Variants in CYP2S1 observed in about 807,000 individuals in gnomAD.
CYP2S1 encodes the protein cytochrome P450 family 2 subfamily S member 1.
Under a neutral mutation model 43.5 loss-of-function variants are expected in CYP2S1, and 32 were observed. That is an observed-to-expected ratio of 0.74 (90% CI 0.56 to 0.99). CYP2S1 has a LOEUF of 0.99. Ranked by LOEUF, CYP2S1 falls within the 50% of genes least tolerant of loss-of-function variation. The pLI, the probability that CYP2S1 is intolerant of heterozygous loss-of-function variation, is 0.00. For missense variants in CYP2S1, 575 were observed against 673.9 expected (o/e 0.85, Z 1.62); for synonymous variants, 283 against 302.9 (o/e 0.93, Z 0.68).
intron 2 of CYP2S1, among the ~76,000 whole-genome samples, chr19:41,195,657 A>T (rs1599711820): frequency 6.6e-6 from 1 of 152,104 alleles, no homozygotes; most frequent in South Asian, 2.1e-4. Flanking sequence ...AGGCTGTCGG[A>T]GCTGAGACTC....
chr19:41,193,826 G>C (rs2033373608), intron 1 of CYP2S1: 1 of 180,966 alleles, frequency 5.5e-6, no homozygotes, highest in African/African-American at 2.4e-5. Context: ...GGGGCATGCT[G>C]AAGAGGGCAC....
In CYP2S1 at chr19:41,198,844, C is replaced by G. The variant is rs760145637; in HGVS notation, c.790C>G (p.Pro264Ala). The change falls in exon 5 of 9, where the codon CCC becomes GCC. Residue 264 changes from proline (P) to alanine (A), a missense_variant. By Grantham distance (27) the Pro-to-Ala change is conservative. Around this residue, in one of 2 missense-constraint regions of CYP2S1, gnomAD observed 353 missense variants for 367.6 expected, o/e 0.96. Transcript: ENST00000310054. The surrounding 1 kb of genome is among the most constrained non-coding windows in gnomAD (Gnocchi z 4.9). Reference protein sequence around the residue: ...QHQGNLDASGPARDLVDAFLL... With the variant: ...QHQGNLDASGAARDLVDAFLL... ...CCAGGGGAACCTGGATGCTTCGGGCCCCGCACGTGACCTTGTCGATGCCTT... is the reference window on the plus strand; with the variant it reads ...CCAGGGGAACCTGGATGCTTCGGGCGCCGCACGTGACCTTGTCGATGCCTT... 1.2e-6 allele frequency: 2 copies of G among 1,614,024 alleles called. No homozygotes were observed. The highest frequency in any genetic ancestry group is 1.7e-6 in the Non-Finnish European group (2 of 1,180,016).
chr19:41,205,342 TTTTCTTTCTTTC>T (rs3082705), intron 7 of CYP2S1, among the ~76,000 whole-genome samples: 18 of 111,654 alleles, frequency 1.6e-4, no homozygotes, highest in Non-Finnish European at 2.9e-4. Flanking sequence ...TTCTTTCTTT[TTTTCTTTCTTTC>T]TTTCTTTCTT....
In CYP2S1 at chr19:41,198,588, G is replaced by T. The variant is rs376249062; in HGVS notation, c.620G>T (p.Gly207Val). 2 of 1,614,178 alleles carry T rather than the reference G, an allele frequency of 1.2e-6. No homozygotes were observed. The highest frequency in any genetic ancestry group is 1.3e-5 in the African/African-American group (1 of 75,048). Residue 207 changes from glycine (G) to valine (V), a missense_variant, in exon 4 of 9, where the codon GGT becomes GTT. Transcript: ENST00000310054. This position sits in a 1 kb window ranked among gnomAD's most constrained non-coding sequence, Gnocchi z 4.9. ...EFQAVVRAAG[G>V]TLLGVSSQGG... ...CAGGCCGTGGTCCGGGCAGCTGGTG[G>T]TACCCTGCTGGGAGTCAGCTCCCAG...
In CYP2S1 at chr19:41,198,980, CCTCT is replaced by C; in HGVS notation, c.834+97_834+100del. ...TGTCCCTGGGGACCTCAATTGGGTT[CCTCT>C]CTCTTTCTCTCTCTGCATGTCTCTG... On this transcript the variant is annotated intron_variant, in intron 5 of 8. Coordinates refer to ENST00000310054, the MANE Select transcript of CYP2S1 (RefSeq NM_030622.8). The surrounding 1 kb of genome is among the most constrained non-coding windows in gnomAD (Gnocchi z 4.9). 2 of 1,453,440 alleles carry C rather than the reference CCTCT, an allele frequency of 1.4e-6. No homozygotes were observed. Among genetic ancestry groups the C allele is most frequent in the Non-Finnish European group, 1.8e-6 (2 of 1,082,058 alleles). 90.0% of individuals were successfully genotyped at this position (1,453,440 alleles called of 1,614,324 possible). A position where few individuals can be genotyped will look rare whatever the true frequency, so the allele number is the denominator to read the frequency against.
chr19:41,205,849 A>T, intron 7 of CYP2S1, 109 bp from the exon 8 acceptor site: 1 of 1,379,050 alleles, frequency 7.3e-7, no homozygotes, highest in Non-Finnish European at 9.9e-7. Flanking sequence ...TGATGCCATT[A>T]GGTTTTGTGA....
rs368360926 is a variant in CYP2S1 at position 41,206,379 on chromosome 19, C to T, written c.1406C>T (p.Pro469Leu). Residue 469 changes from proline to leucine, a missense_variant, in exon 9 of 9, where the codon CCG (proline) becomes CTG (leucine). Transcript: ENST00000310054. ...TTCTCCCTGGAGAGCCCGTGCCCGC[C>T]GGACACCCTGAGCCTCAAGCCCACC... is the stretch of plus-strand genomic sequence containing the variant. ...QAFSLESPCP[P>L]DTLSLKPTVS... The T allele has an allele frequency of 2.5e-5, 40 of 1,614,150 alleles. No individual in the cohort carries two copies. Among genetic ancestry groups the T allele is most frequent in the Middle Eastern group, 3.3e-4 (2 of 6,062 alleles).
Position 41,198,691 on chromosome 19 carries a change from C to T in CYP2S1, c.655-18C>T, listed in dbSNP as rs1267593759. 1 of 1,613,538 alleles carries T rather than the reference C, an allele frequency of 6.2e-7. No individual in the cohort carries two copies. Among genetic ancestry groups the T allele is most frequent in the East Asian group, 2.2e-5 (1 of 44,872 alleles). On this transcript the variant is annotated intron_variant, in intron 4 of 8. Transcript: ENST00000310054. The surrounding 1 kb of genome is among the most constrained non-coding windows in gnomAD (Gnocchi z 4.9). ...CCTGCCAAGGTCCCATGAGAACTAGCTGCCCTTCTCCCCACAGACCTACGA... is the reference window on the plus strand; with the variant it reads ...CCTGCCAAGGTCCCATGAGAACTAGTTGCCCTTCTCCCCACAGACCTACGA...
rs1461796379 is a variant in CYP2S1, at chr19:41,202,008, A to G, written c.976+636A>G. On this transcript the variant is annotated intron_variant, in intron 6 of 8. Coordinates refer to ENST00000310054, the MANE Select transcript of CYP2S1 (RefSeq NM_030622.8). ...TTATTTTTTTTACTTTTTGTGGGGGATAGACTCTCACTCTGTTGCCCAGGC... is the reference window on the plus strand; with the variant it reads ...TTATTTTTTTTACTTTTTGTGGGGGGTAGACTCTCACTCTGTTGCCCAGGC... 2.0e-5 allele frequency among the ~76,000 whole-genome samples: 3 copies of G among 151,744 alleles called. No homozygotes were observed. The East Asian group carries it at 5.8e-4, about 29-fold the overall frequency.
Position 41,198,785 on chromosome 19 carries a change from T to G in CYP2S1, c.731T>G (p.Leu244Trp). 6.2e-7 allele frequency: 1 copy of G among 1,614,156 alleles called. No homozygotes were observed. The highest frequency in any genetic ancestry group is 8.5e-7 in the Non-Finnish European group (1 of 1,180,020). Reference protein sequence around the residue: ...HKQLLHHVSTLAAFTVRQVQQ... With the variant: ...HKQLLHHVSTWAAFTVRQVQQ... ...CAGCTCCTCCACCACGTCAGCACCT[T>G]GGCTGCCTTCACAGTCCGGCAGGTG... Residue 244 changes from leucine (L) to tryptophan (W), a missense_variant, in exon 5 of 9, where the codon TTG becomes TGG. This residue lies in a region of CYP2S1 where 353 missense variants were observed against 367.6 expected (regional missense o/e 0.96). Transcript: ENST00000310054. This position sits in a 1 kb window ranked among gnomAD's most constrained non-coding sequence, Gnocchi z 4.9.
chr19:41,203,669 C>G, intron 7 of CYP2S1, 32 bp downstream of exon 7: 1 of 1,488,794 alleles, frequency 6.7e-7, no homozygotes, highest in East Asian at 2.7e-5. Flanking sequence ...ACCCATGGTT[C>G]TCTGCCTCGG....
chr19:41,198,285 C>CT lies in CYP2S1; in HGVS notation c.494-176dup, dbSNP rs1015823063. Among the ~76,000 whole-genome samples the CT allele has an allele frequency of 7.3e-4, 111 of 152,120 alleles. 1 individual carries two copies. The highest frequency in any genetic ancestry group is 2.6e-3 in the African/African-American group (109 of 41,474). ...TGATGGTCACTCTGTTTCTTTCTCC[C>CT]TGTCTGTTTCTCTGTCCCTATCTGT... is the stretch of plus-strand genomic sequence containing the variant. On this transcript the variant is annotated intron_variant, in intron 3 of 8. Transcript: ENST00000310054. This position sits in a 1 kb window ranked among gnomAD's most constrained non-coding sequence, Gnocchi z 4.9.
Position 41,206,842 on chromosome 19 carries a change from C to T in CYP2S1, c.*354C>T. On this transcript the variant is annotated 3_prime_UTR_variant, in exon 9 of 9. Transcript: ENST00000310054. ...GTCTGGCTGTCACCTTCACAAGCCA[C>T]AGAAACGGCCACACATGTTCACAGC... 4.1e-6 allele frequency: 2 copies of T among 492,202 alleles called. No homozygotes were observed. Among genetic ancestry groups the T allele is most frequent in the Admixed American group, 2.3e-5 (1 of 43,562 alleles). 30.5% of individuals were successfully genotyped at this position (492,202 alleles called of 1,614,324 possible). A position where few individuals can be genotyped will look rare whatever the true frequency, so the allele number is the denominator to read the frequency against.
At chr19:41,197,753 C>A in intron 2 of CYP2S1, 26 bp from the exon 3 acceptor site, 1 of 1,612,278 alleles carries the variant, frequency 6.2e-7, no homozygotes, top group South Asian at 1.1e-5. Context: ...GGGCCGGTCC[C>A]TTTTTGAGTC....
rs934440774 is a variant in CYP2S1, at chr19:41,204,097, G to A, written c.1164+460G>A. Among the ~76,000 whole-genome samples, 31 of 152,140 alleles carry A rather than the reference G, an allele frequency of 2.0e-4. 1 individual carries two copies. Among genetic ancestry groups the A allele is most frequent in the Admixed American group, 1.9e-3 (29 of 15,270 alleles). ...AGGCTGGTCTTGAACTCCTGACCTC[G>A]TGATCTGCCCGCTTCGGCCTCCCAA... On this transcript the variant is annotated intron_variant, in intron 7 of 8. Transcript: ENST00000310054.
intron 2 of CYP2S1, 113 bp from the exon 3 acceptor site, chr19:41,197,666 C>G: frequency 6.6e-7 from 1 of 1,517,574 alleles, no homozygotes; most frequent in East Asian, 2.3e-5. Context: ...CGCCACTGCA[C>G]TCCAGCCTGG....
At position 41,198,405 on chromosome 19, in the gene CYP2S1, C is replaced by G. The variant is rs189617386; in HGVS notation, c.494-57C>G. ...CTCTCTGGTTGGGTTCAGCTCCAACCTGCTCCCCTCTGCCTGGCTCCATCA... is the reference window on the plus strand; with the variant it reads ...CTCTCTGGTTGGGTTCAGCTCCAACGTGCTCCCCTCTGCCTGGCTCCATCA... On this transcript the variant is annotated intron_variant, in intron 3 of 8. Transcript: ENST00000310054. This position sits in a 1 kb window ranked among gnomAD's most constrained non-coding sequence, Gnocchi z 4.9. 4 of 1,597,642 alleles carry G rather than the reference C, an allele frequency of 2.5e-6. No homozygotes were observed. Among genetic ancestry groups the G allele is most frequent in the Non-Finnish European group, 3.4e-6 (4 of 1,172,608 alleles).
Position 41,198,236 on chromosome 19 carries a change from TC to T in CYP2S1, c.494-225del, listed in dbSNP as rs1355212469. Among the ~76,000 whole-genome samples, 1 of 152,066 alleles carries T rather than the reference TC, an allele frequency of 6.6e-6. No homozygotes were observed. The highest frequency in any genetic ancestry group is 1.9e-4 in the East Asian group (1 of 5,186). ...CTATTTTTTGGGCCCTCAGTCTATC[TC>T]TGTTTCTGTCTCCCTGTCTGTGTGA... On this transcript the variant is annotated intron_variant, in intron 3 of 8. Transcript: ENST00000310054. This position sits in a 1 kb window ranked among gnomAD's most constrained non-coding sequence, Gnocchi z 4.9.
intron 5 of CYP2S1, among the ~76,000 whole-genome samples, chr19:41,199,191 T>C (rs918272670): frequency 5.9e-5 from 9 of 152,082 alleles, no homozygotes; most frequent in Non-Finnish European, 1.2e-4. Context: ...TCAGGCCCCA[T>C]GCCCAGGGTC....
Sources: allele counts gnomAD v4.1 joint callset (sites outside exome capture counted in the v4.1 genomes callset), GRCh38; gene constraint gnomAD v4.1.1; regional missense constraint gnomAD v4.1.1; non-coding constraint Gnocchi (gnomAD v3.1); transcripts MANE v1.5; gene names NCBI Gene and HGNC (gene_info 2026-07-23, HGNC 2026-07-21).